Variants in IKZF1 observed in about 807,000 individuals in gnomAD.
The protein encoded by IKZF1 is IKAROS family zinc finger 1, also known as DNA-binding protein Ikaros.
Under a neutral mutation model 51.7 loss-of-function variants are expected in IKZF1, and 10 were observed. The observed-to-expected ratio is 0.19, with a 90% CI of 0.12 to 0.33. The LOEUF (loss-of-function observed/expected upper bound fraction) is 0.33. Ranked by LOEUF, IKZF1 falls within the 10% of genes least tolerant of loss-of-function variation. IKZF1 has a pLI of 1.00. For missense variants in IKZF1, 484 were observed against 707.5 expected (o/e 0.68, Z 3.58); for synonymous variants, 280 against 282.3 (o/e 0.99, Z 0.08).
At chr7:50,353,203 C>T (rs1054634758) in intron 3 of IKZF1, among the ~76,000 whole-genome samples, 2 of 152,250 alleles carry the variant, frequency 1.3e-5, no homozygotes, top group South Asian at 4.1e-4. Context: ...CCCTTCCCTT[C>T]CACCAACATT....
intron 3 of IKZF1, chr7:50,368,642 A>G (rs1281313382): frequency 3.0e-6 from 1 of 329,376 alleles, no homozygotes; most frequent in Non-Finnish European, 5.5e-6. Context: ...TAAACCAAAA[A>G]CAGATGTGAA....
intron 2 of IKZF1, among the ~76,000 whole-genome samples, chr7:50,325,329 T>C (rs1276123915): frequency 6.9e-6 from 1 of 144,540 alleles, no homozygotes; most frequent in East Asian, 2.0e-4. Context: ...GTCCTGGGAG[T>C]TTGAACACCA....
At chr7:50,310,950 G>C (rs1790021145) in intron 1 of IKZF1, among the ~76,000 whole-genome samples, 1 of 152,184 alleles carries the variant, frequency 6.6e-6, no homozygotes, top group Admixed American at 6.5e-5. Context: ...AAGCTACTAA[G>C]AGACCAAACT....
Position 50,387,434 on chromosome 7 carries a change from T to A in IKZF1, c.679T>A (p.Leu227Met), listed in dbSNP as rs373583058. The change falls in exon 6 of 8, where the codon TTG becomes ATG. Residue 227 changes from leucine (L) to methionine (M), a missense_variant. Around this residue, in one of 6 missense-constraint regions of IKZF1, gnomAD observed 53 missense variants for 167.7 expected, o/e 0.32. Coordinates refer to ENST00000331340, the MANE Select transcript of IKZF1 (RefSeq NM_006060.6). Reference sequence around the variant, plus strand: ...ACATAAAGAGCGCTGCCACAACTACTTGGAAAGCATGGGCCTTCCGGGCAC... The same window carrying A: ...ACATAAAGAGCGCTGCCACAACTACATGGAAAGCATGGGCCTTCCGGGCAC... ...EEHKERCHNY[L>M]ESMGLPGTLY... 6.2e-7 allele frequency: 1 copy of A among 1,612,406 alleles called. No homozygotes were observed. The highest frequency in any genetic ancestry group is 1.3e-5 in the African/African-American group (1 of 74,866).
chr7:50,399,890 C>A, intron 7 of IKZF1, 28 bp from the exon 8 acceptor site: 2 of 1,593,656 alleles, frequency 1.3e-6, no homozygotes, highest in South Asian at 2.3e-5. Context: ...GTGGCCGCGC[C>A]CCACTCACTG....
At chr7:50,385,965 A>C (rs772072061) in intron 5 of IKZF1, among the ~76,000 whole-genome samples, 8 of 152,224 alleles carry the variant, frequency 5.3e-5, no homozygotes, top group Non-Finnish European at 1.0e-4. Context: ...TGTTCACCTA[A>C]GAAAGAGATT....
chr7:50,318,767 T>C (rs993791526), intron 1 of IKZF1, among the ~76,000 whole-genome samples: 7 of 152,202 alleles, frequency 4.6e-5, no homozygotes, highest in Non-Finnish European at 1.0e-4. Context: ...TGCAGTCAGT[T>C]TGCATTTTGG....
intron 3 of IKZF1, among the ~76,000 whole-genome samples, chr7:50,332,646 C>T (rs1796669751): frequency 6.6e-6 from 1 of 152,118 alleles, no homozygotes; most frequent in Admixed American, 6.5e-5. Context: ...GAACTGGGAC[C>T]ATGATTGATG....
chr7:50,319,696 G>A (rs964859231), intron 2 of IKZF1, among the ~76,000 whole-genome samples: 2 of 152,194 alleles, frequency 1.3e-5, no homozygotes, highest in Non-Finnish European at 2.9e-5. Flanking sequence ...CCCAGTGCAT[G>A]GACATAGGAA....
intron 3 of IKZF1, among the ~76,000 whole-genome samples, chr7:50,371,310 T>C (rs559504311): frequency 1.3e-5 from 2 of 152,298 alleles, no homozygotes; most frequent in East Asian, 3.9e-4. Context: ...TCAGCTGGTG[T>C]CATTGCCTTC....
chr7:50,371,318 T>G (rs1808604766), intron 3 of IKZF1, among the ~76,000 whole-genome samples: 1 of 152,198 alleles, frequency 6.6e-6, no homozygotes, highest in African/African-American at 2.4e-5. Flanking sequence ...TGTCATTGCC[T>G]TCTTCAGGAG....
intron 2 of IKZF1, among the ~76,000 whole-genome samples, chr7:50,323,963 A>G (rs1794140558): frequency 1.3e-5 from 2 of 152,212 alleles, no homozygotes; most frequent in Admixed American, 6.5e-5. Context: ...TCATGTTCCC[A>G]TTCGTCTTAC....
intron 7 of IKZF1, among the ~76,000 whole-genome samples, chr7:50,393,650 A>G (rs1310756064): frequency 1.3e-5 from 2 of 152,228 alleles, no homozygotes; most frequent in Non-Finnish European, 2.9e-5. Flanking sequence ...CCTTTGGACC[A>G]TGAGAACGAG....
At position 50,350,860 on chromosome 7, in the gene IKZF1, C is replaced by T. The variant is rs573680075; in HGVS notation, c.160+23103C>T. ...CTTTATCCCTGCGTGCTGGCTTGCC[C>T]GGGTTGACTCAGAGGCAGTCTCACA... On this transcript the variant is annotated intron_variant, in intron 3 of 7. Transcript: ENST00000331340. Among the ~76,000 whole-genome samples, 424 of 152,286 alleles carry T rather than the reference C, an allele frequency of 2.8e-3. 3 individuals are homozygous for T. The highest frequency in any genetic ancestry group is 4.2e-3 in the Non-Finnish European group (285 of 68,022).
chr7:50,376,477 T>C lies in IKZF1; in HGVS notation c.161-56T>C, dbSNP rs1183409670. 4 of 1,591,196 alleles carry C rather than the reference T, an allele frequency of 2.5e-6. No homozygotes were observed. Among genetic ancestry groups the C allele is most frequent in the Non-Finnish European group, 3.4e-6 (4 of 1,169,612 alleles). ...TTGTCTTTTTGCTGCTGTGTTGTTT[T>C]GTTGAGTTTTTTTTTTGCAATGACA... On this transcript the variant is annotated intron_variant, in intron 3 of 7. Coordinates refer to ENST00000331340, the MANE Select transcript of IKZF1 (RefSeq NM_006060.6). This position sits in a 1 kb window ranked among gnomAD's most constrained non-coding sequence, Gnocchi z 4.5.
chr7:50,319,158 C>G (rs1021317021), intron 2 of IKZF1, 57 bp downstream of exon 2: 1 of 1,488,008 alleles, frequency 6.7e-7, no homozygotes. Context: ...TCCCTGGGGC[C>G]GGAAGTCACA....
At chr7:50,367,422 G>A (rs1807271009) in intron 3 of IKZF1, among the ~76,000 whole-genome samples, 1 of 152,168 alleles carries the variant, frequency 6.6e-6, no homozygotes, top group African/African-American at 2.4e-5. Context: ...ATAGAAACCT[G>A]AAGATTTGAG....
chr7:50,382,906 G>A (rs1812263327), intron 5 of IKZF1, among the ~76,000 whole-genome samples, 199 bp downstream of exon 5: 3 of 151,930 alleles, frequency 2.0e-5, no homozygotes, highest in African/African-American at 2.4e-5. Flanking sequence ...CACTGCACCA[G>A]GGAGATTGGG....
chr7:50,394,708 AT>A (rs55736272), intron 7 of IKZF1, among the ~76,000 whole-genome samples: 37,491 of 151,970 alleles, frequency 0.25, 4,810 homozygotes, highest in Middle Eastern at 0.3. Flanking sequence ...CAGAGTGGCT[AT>A]TATAGTTTTG....
Sources: allele counts gnomAD v4.1 joint callset (sites outside exome capture counted in the v4.1 genomes callset), GRCh38; gene constraint gnomAD v4.1.1; regional missense constraint gnomAD v4.1.1; non-coding constraint Gnocchi (gnomAD v3.1); transcripts MANE v1.5; gene names NCBI Gene and HGNC (gene_info 2026-07-23, HGNC 2026-07-21).